ROBO2: variants seen among roughly 807,000 people sequenced by gnomAD.
ROBO2 encodes the protein roundabout homolog 2.
A neutral mutation model predicts 160.8 loss-of-function variants in ROBO2; 53 were observed. The ratio of observed to expected loss-of-function variants is 0.33; its 90% CI spans 0.26 to 0.41. The LOEUF (loss-of-function observed/expected upper bound fraction) is 0.41. Ranked by LOEUF, ROBO2 falls within the 10% of genes least tolerant of loss-of-function variation. The pLI, the probability that ROBO2 is intolerant of heterozygous loss-of-function variation, is 1.00. For synonymous variants in ROBO2, 664 were observed against 611.7 expected, an observed-to-expected ratio of 1.09 and a Z score of -1.26; for missense variants, 1,577 against 1,722.4, an observed-to-expected ratio of 0.92 and a Z score of 1.49.
intron 2 of ROBO2, among the ~76,000 whole-genome samples, chr3:76,470,611 G>GA (rs1433218815): frequency 1.3e-5 from 2 of 152,098 alleles, no homozygotes; most frequent in African/African-American, 2.4e-5. Context: ...GACTGAGATA[G>GA]AAGCCACAAA....
chr3:77,386,388 CAG>C (rs1217808191), intron 2 of ROBO2, among the ~76,000 whole-genome samples: 50 of 151,980 alleles, frequency 3.3e-4, no homozygotes, highest in Admixed American at 3.3e-3. Context: ...CTAAAGCACA[CAG>C]AGAATTTTCT....
chr3:77,422,530 A>G (rs935000185), intron 2 of ROBO2, among the ~76,000 whole-genome samples: 1 of 152,188 alleles, frequency 6.6e-6, no homozygotes, highest in Non-Finnish European at 1.5e-5. Flanking sequence ...TTCCTAAACT[A>G]GTGTTTCATA....
rs77931293 is a variant in ROBO2 at position 76,704,375 on chromosome 3, G to T, written c.110-393639G>T. Among the ~76,000 whole-genome samples, 507 of 152,070 alleles carry T rather than the reference G, an allele frequency of 3.3e-3. 3 individuals are homozygous for T. Among genetic ancestry groups the T allele is most frequent in the African/African-American group, 0.012 (480 of 41,504 alleles). The stretch of plus-strand genomic sequence containing the variant: ...TCTTTACTGCATTTTGACTTTTGTT[G>T]ATCAATTTCTTCTATCAGTTATCCA... On this transcript the variant is annotated intron_variant, in intron 2 of 26. Coordinates refer to the ROBO2 transcript ENST00000487694.
At chr3:77,520,290 C>T (rs1210528640) in intron 5 of ROBO2, among the ~76,000 whole-genome samples, 1 of 151,270 alleles carries the variant, frequency 6.6e-6, no homozygotes, top group Non-Finnish European at 1.5e-5. Context: ...AAAAGTGACA[C>T]ATTCAGAGTC....
exon 20 of ROBO2, chr3:77,602,215 C>T: frequency 1.2e-6 from 2 of 1,614,156 alleles, no homozygotes; most frequent in Non-Finnish European, 1.7e-6. Flanking sequence ...CACAGATGTG[C>T]TGCCACCAGT....
intron 2 of ROBO2, among the ~76,000 whole-genome samples, chr3:76,651,915 C>G (rs1328897965): frequency 2.6e-5 from 4 of 152,146 alleles, no homozygotes; most frequent in Non-Finnish European, 5.9e-5. Context: ...TGATCTCAAA[C>G]AAGTACCTCC....
intron 2 of ROBO2, among the ~76,000 whole-genome samples, chr3:76,817,430 T>G (rs2065769840): frequency 1.3e-5 from 2 of 152,132 alleles, no homozygotes; most frequent in African/African-American, 4.8e-5. Context: ...GAGCTGTGAC[T>G]GCAAACCAGA....
intron 2 of ROBO2, among the ~76,000 whole-genome samples, chr3:77,110,603 A>G (rs894387942): frequency 1.3e-5 from 2 of 150,496 alleles, no homozygotes; most frequent in Non-Finnish European, 3.0e-5. Context: ...TTAATCTGAA[A>G]TGGATCATAC....
rs574636326 is a variant in ROBO2 at position 76,616,797 on chromosome 3, G to T, written c.110-481217G>T. Among the ~76,000 whole-genome samples the T allele has an allele frequency of 1.4e-4, 22 of 152,158 alleles. No individual in the cohort carries two copies. The East Asian group carries it at 2.9e-3, about 20-fold the overall frequency. ...CTTGCTATGTTGCCTAGCCTTGAGG[G>T]CAATGAATAGTGGCTATTCATAGGT... On this transcript the variant is annotated intron_variant, in intron 2 of 26. Transcript: ENST00000487694.
chr3:77,096,483 T>G (rs2071082412), intron 1 of ROBO2, among the ~76,000 whole-genome samples: 1 of 151,594 alleles, frequency 6.6e-6, no homozygotes, highest in Admixed American at 6.6e-5. Context: ...AGTTTTACTC[T>G]TGTCACTCGG....
At position 76,625,870 on chromosome 3, in the gene ROBO2, AT is replaced by A. The variant is rs199513056; in HGVS notation, c.110-472135del. On this transcript the variant is annotated intron_variant, in intron 2 of 26. Coordinates refer to the ROBO2 transcript ENST00000487694. ...AGAGATTTTAACAGATGAAAATGTG[AT>A]TTTTTTTTCGAAGGATTCTATTGCC... Among the ~76,000 whole-genome samples, 35 of 151,670 alleles carry A rather than the reference AT, an allele frequency of 2.3e-4. 1 individual carries two copies. Among genetic ancestry groups the A allele is most frequent in the African/African-American group, 7.7e-4 (32 of 41,320 alleles).
intron 2 of ROBO2, among the ~76,000 whole-genome samples, chr3:76,132,271 G>A (rs183780327): frequency 3.9e-5 from 6 of 152,110 alleles, no homozygotes; most frequent in Admixed American, 6.5e-5. Flanking sequence ...TAGGAGAGAC[G>A]TGCTACAGGG....
chr3:77,492,856 A>G (rs1429754835), intron 4 of ROBO2, among the ~76,000 whole-genome samples: 1 of 152,126 alleles, frequency 6.6e-6, no homozygotes, highest in Non-Finnish European at 1.5e-5. Context: ...TATCCCTTTC[A>G]ACTTTTAGTT....
intron 3 of ROBO2, 55 bp downstream of exon 3, chr3:77,477,626 C>A (rs2084176533): frequency 6.7e-7 from 1 of 1,488,448 alleles, no homozygotes; most frequent in Non-Finnish European, 9.4e-7. Flanking sequence ...TCTCAAAATA[C>A]AAAATAGATG....
At chr3:76,043,338 T>C (rs1370342199) in intron 2 of ROBO2, among the ~76,000 whole-genome samples, 1 of 151,856 alleles carries the variant, frequency 6.6e-6, no homozygotes, top group East Asian at 1.9e-4. Context: ...AAAGCTTTTA[T>C]TGGGCCTCAC....
At chr3:76,567,745 A>T (rs1266288324) in intron 2 of ROBO2, among the ~76,000 whole-genome samples, 2 of 117,178 alleles carry the variant, frequency 1.7e-5, no homozygotes, top group African/African-American at 6.5e-5. Flanking sequence ...ATACTGTTTT[A>T]TATATATATA....
intron 2 of ROBO2, among the ~76,000 whole-genome samples, chr3:76,995,275 T>G (rs761640923): frequency 2.0e-4 from 30 of 152,214 alleles, no homozygotes; most frequent in Non-Finnish European, 3.7e-4. Flanking sequence ...CAAAGGACAT[T>G]AACTCATCCT....
chr3:77,308,612 G>A (rs1483574657), intron 2 of ROBO2, among the ~76,000 whole-genome samples: 1 of 152,052 alleles, frequency 6.6e-6, no homozygotes, highest in African/African-American at 2.4e-5. Flanking sequence ...ACATTCTTGT[G>A]GTTTCATAAC....
At chr3:77,303,658 G>A (rs1474319845) in intron 2 of ROBO2, among the ~76,000 whole-genome samples, 1 of 151,962 alleles carries the variant, frequency 6.6e-6, no homozygotes, top group Non-Finnish European at 1.5e-5. Context: ...TACATAATGG[G>A]TGGTGGTGGT....
Sources: gnomAD v4.1 joint callset for allele counts (sites outside exome capture counted in the v4.1 genomes callset) on GRCh38, gnomAD v4.1.1 for gene constraint, MANE v1.5 for transcripts, NCBI Gene and HGNC (gene_info 2026-07-23, HGNC 2026-07-21) for gene names.